The following BTN1A1 variants were observed in gnomAD, a reference collection of about 807,000 sequenced individuals.
The protein encoded by BTN1A1 is butyrophilin subfamily 1 member A1.
A neutral mutation model predicts 33.1 loss-of-function variants in BTN1A1; 26 were observed. The ratio of observed to expected loss-of-function variants is 0.79; its 90% CI spans 0.58 to 1.09. The LOEUF is 1.09. Among genes scored for constraint, BTN1A1 ranks in the 50% least tolerant of loss-of-function variants. The probability of loss-of-function intolerance (pLI) is 0.00; values close to 1 mark genes in which losing one functional copy is unlikely to be tolerated. For synonymous variants in BTN1A1, 235 were observed against 256.2 expected, an observed-to-expected ratio of 0.92 and a Z score of 0.79; for missense variants, 558 against 655.7, an observed-to-expected ratio of 0.85 and a Z score of 1.63.
intron 4 of BTN1A1, 84 bp downstream of exon 4, chr6:26,505,290 T>A: frequency 7.2e-7 from 1 of 1,391,448 alleles, no homozygotes; most frequent in Non-Finnish European, 9.9e-7. Context: ...AGATGTGACC[T>A]CATGGCAGAG....
chr6:26,501,756 G>T lies in BTN1A1; in HGVS notation c.246G>T (p.Glu82Asp). ...PAVLVHRDGREQEAEQMPEYR... is the reference protein window; with the variant it reads ...PAVLVHRDGRDQEAEQMPEYR... The stretch of plus-strand genomic sequence containing the variant: ...TGCTGGTGCATAGGGACGGGCGCGA[G>T]CAGGAAGCCGAGCAGATGCCCGAGT... The change falls in exon 3 of 8, where the codon GAG (glutamate) becomes GAT (aspartate). Residue 82 changes from glutamate to aspartate, a missense_variant. By Grantham distance (45) the Glu-to-Asp change is conservative. Coordinates refer to ENST00000684113, the MANE Select transcript of BTN1A1 (RefSeq NM_001732.3). This position sits in a 1 kb window ranked among gnomAD's most constrained non-coding sequence, Gnocchi z 5.2. 2 of 1,613,748 alleles carry T rather than the reference G, an allele frequency of 1.2e-6. No individual in the cohort carries two copies. The highest frequency in any genetic ancestry group is 1.7e-6 in the Non-Finnish European group (2 of 1,179,968).
intron 7 of BTN1A1, 122 bp from the exon 8 acceptor site, chr6:26,508,379 C>A: frequency 1.7e-6 from 2 of 1,181,944 alleles, no homozygotes; most frequent in Middle Eastern, 4.1e-4. Flanking sequence ...GGCCAAACAT[C>A]CCCCCACCTC....
intron 5 of BTN1A1, 37 bp downstream of exon 5, chr6:26,506,869 G>T: frequency 6.2e-7 from 1 of 1,609,110 alleles, no homozygotes. Context: ...CGTGTCAGGA[G>T]TGCTTCAGAG....
intron 4 of BTN1A1, 71 bp from the exon 5 acceptor site, chr6:26,506,612 T>C (rs1019703339): frequency 1.3e-6 from 2 of 1,535,472 alleles, no homozygotes; most frequent in Non-Finnish European, 1.8e-6. Context: ...TACCCTCCTT[T>C]GGAATGTGGA....
At chr6:26,502,211 A>G (rs544319403) in intron 3 of BTN1A1, among the ~76,000 whole-genome samples, 1 of 152,328 alleles carries the variant, frequency 6.6e-6, no homozygotes, top group Non-Finnish European at 1.5e-5. Flanking sequence ...ACTGCCAGGA[A>G]ACAAAGGCTT....
Position 26,501,947 on chromosome 6 carries a change from C to A in BTN1A1, c.427+10C>A, listed in dbSNP as rs986364266. ...CATCTGAAGGTGGCTGGTGAGTAGACGGGTTTTGACTTTCTCCGACGACTC... is the reference window on the plus strand; with the variant it reads ...CATCTGAAGGTGGCTGGTGAGTAGAAGGGTTTTGACTTTCTCCGACGACTC... On this transcript the variant is annotated intron_variant, in intron 3 of 7. Coordinates refer to ENST00000684113, the MANE Select transcript of BTN1A1 (RefSeq NM_001732.3). The surrounding 1 kb of genome is among the most constrained non-coding windows in gnomAD (Gnocchi z 5.2). 1 of 1,539,780 alleles carries A rather than the reference C, an allele frequency of 6.5e-7. No individual in the cohort carries two copies. Among genetic ancestry groups the A allele is most frequent in the Non-Finnish European group, 8.7e-7 (1 of 1,143,772 alleles).
chr6:26,508,192 C>T (rs1763896201), intron 7 of BTN1A1, 105 bp downstream of exon 7: 1 of 1,371,382 alleles, frequency 7.3e-7, no homozygotes, highest in African/African-American at 1.5e-5. Context: ...GTGATGAGGA[C>T]AGGAAGGGAA....
intron 1 of BTN1A1, among the ~76,000 whole-genome samples, chr6:26,500,983 G>T (rs1763790854): frequency 1.3e-5 from 2 of 151,990 alleles, no homozygotes; most frequent in African/African-American, 4.8e-5. Context: ...TTTGTTCATC[G>T]ATATGCAACC....
At chr6:26,506,514 A>AT (rs928763857) in intron 4 of BTN1A1, among the ~76,000 whole-genome samples, 169 bp from the exon 5 acceptor site, 3 of 151,692 alleles carry the variant, frequency 2.0e-5, no homozygotes, top group Non-Finnish European at 4.4e-5. Context: ...CTTGAAGTCA[A>AT]TTTTTTTCTG....
In BTN1A1 at chr6:26,507,988, G is replaced by A. The variant is rs965936342; in HGVS notation, c.880+18G>A. ...AGAACTCAGTAAGTTCTGTCTTCTT[G>A]TTATTTCACCCACAGAGTTTTCTCT... is the stretch of plus-strand genomic sequence containing the variant. On this transcript the variant is annotated intron_variant, in intron 6 of 7. Transcript: ENST00000684113. 3 of 1,613,892 alleles carry A rather than the reference G, an allele frequency of 1.9e-6. No homozygotes were observed. The highest frequency in any genetic ancestry group is 1.7e-6 in the Non-Finnish European group (2 of 1,179,946).
rs1267840343 is a variant in BTN1A1 at position 26,501,107 on chromosome 6, C to A, written c.-57-123C>A. On this transcript the variant is annotated intron_variant, in intron 1 of 7. Coordinates refer to ENST00000684113, the MANE Select transcript of BTN1A1 (RefSeq NM_001732.3). The surrounding 1 kb of genome is among the most constrained non-coding windows in gnomAD (Gnocchi z 5.2). ...TAAAAATCCATACTGGGGATGGAGG[C>A]TGAGAGGAGGTTTCAGGGGCAAATG... 6 of 625,594 alleles carry A rather than the reference C, an allele frequency of 9.6e-6. No homozygotes were observed. The highest frequency in any genetic ancestry group is 1.7e-5 in the Non-Finnish European group (6 of 346,692). The allele number at this position is 625,594 out of a possible 1,614,324, so 38.8% of individuals were successfully genotyped here.
chr6:26,502,628 T>G (rs1338686847), intron 3 of BTN1A1, among the ~76,000 whole-genome samples: 1 of 152,248 alleles, frequency 6.6e-6, no homozygotes, highest in African/African-American at 2.4e-5. Context: ...ATATAAGAGT[T>G]ATATAACATT....
chr6:26,510,336 T>C lies in BTN1A1; in HGVS notation c.*1162T>C, dbSNP rs1056667. On this transcript the variant is annotated 3_prime_UTR_variant, in exon 8 of 8. Transcript: ENST00000684113. ...GTCTTGCCAATAGACTCCAGGCTTA[T>C]ACCTTCCATTTCCATCGTATTCTCC... 0.5 allele frequency: 76,430 copies of C among 152,224 alleles called. 19,452 individuals are homozygous for C. Among genetic ancestry groups the C allele is most frequent in the East Asian group, 0.74 (3,849 of 5,182 alleles). 9.4% of individuals were successfully genotyped at this position (152,224 alleles called of 1,614,324 possible).
At chr6:26,502,280 T>C (rs1470483021) in intron 3 of BTN1A1, among the ~76,000 whole-genome samples, 1 of 152,216 alleles carries the variant, frequency 6.6e-6, no homozygotes, top group Non-Finnish European at 1.5e-5. Flanking sequence ...TTGTGCAGTA[T>C]CTATAAGGCA....
intron 1 of BTN1A1, among the ~76,000 whole-genome samples, 97 bp downstream of exon 1, chr6:26,500,455 A>AGG (rs1763784231): frequency 6.6e-6 from 1 of 151,984 alleles, no homozygotes; most frequent in African/African-American, 2.4e-5. Flanking sequence ...CCTTGGTCCT[A>AGG]GGCCCTCTAC....
chr6:26,509,314 G>T lies in BTN1A1; in HGVS notation c.*140G>T. ...TTAATCCTGTGAAGGTTACATTGCT[G>T]CTGCTAGAGAGGGTGGGGATTGCAC... On this transcript the variant is annotated 3_prime_UTR_variant, in exon 8 of 8. Transcript: ENST00000684113. The T allele has an allele frequency of 1.2e-6, 1 of 804,010 alleles. No individual in the cohort carries two copies. Among genetic ancestry groups the T allele is most frequent in the Non-Finnish European group, 1.9e-6 (1 of 517,978 alleles). 49.8% of individuals were successfully genotyped at this position (804,010 alleles called of 1,614,324 possible). A position where few individuals can be genotyped will look rare whatever the true frequency, so the allele number is the denominator to read the frequency against.
Position 26,510,148 on chromosome 6 carries a change from G to C in BTN1A1, c.*974G>C, listed in dbSNP as rs1435009711. 1 of 152,746 alleles carries C rather than the reference G, an allele frequency of 6.5e-6. No individual in the cohort carries two copies. The highest frequency in any genetic ancestry group is 1.9e-4 in the East Asian group (1 of 5,200). The allele number at this position is 152,746 out of a possible 1,614,324, so 9.5% of individuals were successfully genotyped here. A position where few individuals can be genotyped will look rare whatever the true frequency, so the allele number is the denominator to read the frequency against. Reference sequence around the variant, plus strand: ...CACACACCTTCAGTTAGCTTCAACTGCCTCCGTTTCCACACTGTGCACCTT... The same window carrying C: ...CACACACCTTCAGTTAGCTTCAACTCCCTCCGTTTCCACACTGTGCACCTT... On this transcript the variant is annotated 3_prime_UTR_variant, in exon 8 of 8. Transcript: ENST00000684113.
rs757577253 is a variant in BTN1A1, at chr6:26,509,153, AC to A, written c.1563del (p.Ser522AlafsTer23). On this transcript the variant is annotated frameshift_variant, in exon 8 of 8. Coordinates refer to ENST00000684113, the MANE Select transcript of BTN1A1 (RefSeq NM_001732.3). LOFTEE classifies it high-confidence loss of function. Reference protein sequence around the residue: ...TLHSKLIPTQPSQGAP With the variant: ...TLHSKLIPTQXSQGAP ...TCCATTCTAAGCTAATCCCTACCCA[AC>A]CCAGCCAAGGGGCACCTTAAGGAAT... 1.2e-6 allele frequency: 2 copies of A among 1,611,684 alleles called. No individual in the cohort carries two copies. The highest frequency in any genetic ancestry group is 1.7e-6 in the Non-Finnish European group (2 of 1,178,836).
chr6:26,502,149 A>G (rs575449890), intron 3 of BTN1A1, among the ~76,000 whole-genome samples: 1 of 152,362 alleles, frequency 6.6e-6, no homozygotes, highest in African/African-American at 2.4e-5. Flanking sequence ...TTTTAAAAGT[A>G]TGAAAATACT....
Sources: allele counts gnomAD v4.1 joint callset (sites outside exome capture counted in the v4.1 genomes callset), GRCh38; gene constraint gnomAD v4.1.1; non-coding constraint Gnocchi (gnomAD v3.1); transcripts MANE v1.5; gene names NCBI Gene and HGNC (gene_info 2026-07-23, HGNC 2026-07-21).